CNKSR2: variants seen among roughly 807,000 people sequenced by gnomAD.
CNKSR2 encodes the protein CNK homolog protein 2.
A neutral mutation model predicts 84.4 loss-of-function variants in CNKSR2; 14 were observed. The observed-to-expected ratio is 0.17, with a 90% CI of 0.11 to 0.26. CNKSR2 has a LOEUF of 0.26. Among genes scored for constraint, CNKSR2 ranks in the 10% least tolerant of loss-of-function variants. The pLI is 1.00. For missense variants in CNKSR2, 485 were observed against 771.2 expected (o/e 0.63, Z 4.40); for synonymous variants, 275 against 277.9 (o/e 0.99, Z 0.10).
chrX:21,387,690 A>G (rs925999033), intron 1 of CNKSR2, among the ~76,000 whole-genome samples: 11 of 110,662 alleles, frequency 9.9e-5, no homozygotes, highest in Non-Finnish European at 1.7e-4. Flanking sequence ...TCCTATGTCA[A>G]TCTTTTTGGA....
rs191296729 is a variant in CNKSR2, at chrX:21,507,524, C to A, written c.810+5936C>A. ...ACAGAAGTTTTTCTTACTAAAAATTCTATTAATAAAGATTTAGGATGATAC... is the reference window on the plus strand; with the variant it reads ...ACAGAAGTTTTTCTTACTAAAAATTATATTAATAAAGATTTAGGATGATAC... On this transcript the variant is annotated intron_variant, in intron 8 of 21. Coordinates refer to ENST00000379510, the MANE Select transcript of CNKSR2 (RefSeq NM_014927.5). Among the ~76,000 whole-genome samples, 14 of 110,752 alleles carry A rather than the reference C, an allele frequency of 1.3e-4. No homozygotes were observed. The East Asian group carries it at 3.7e-3, about 30-fold the overall frequency.
At chrX:21,641,416 T>G in intron 20 of CNKSR2, 1 of 895,260 alleles carries the variant, frequency 1.1e-6, no homozygotes. Context: ...CATATTTTTC[T>G]ACTTTCTCTT....
At position 21,654,170 on chromosome X, in the gene CNKSR2, C is replaced by T. The variant is rs1175743390; in HGVS notation, c.*1649C>T. 1 of 105,502 alleles carries T rather than the reference C, an allele frequency of 9.5e-6. No individual in the cohort carries two copies. The highest frequency in any genetic ancestry group is 3.5e-5 in the African/African-American group (1 of 28,648). 8.7% of individuals were successfully genotyped at this position (105,502 alleles called of 1,213,427 possible). A position where few individuals can be genotyped will look rare whatever the true frequency, so the allele number is the denominator to read the frequency against. On this transcript the variant is annotated 3_prime_UTR_variant, in exon 22 of 22. Coordinates refer to ENST00000379510, the MANE Select transcript of CNKSR2 (RefSeq NM_014927.5). ...TTAATGTTTGTATGGAATTTTGGGTCCAGTGTAATATTTTTATCATTTAAA... is the reference window on the plus strand; with the variant it reads ...TTAATGTTTGTATGGAATTTTGGGTTCAGTGTAATATTTTTATCATTTAAA...
chrX:21,557,737 T>C (rs1015841705), intron 11 of CNKSR2, among the ~76,000 whole-genome samples: 1 of 111,426 alleles, frequency 9.0e-6, no homozygotes, highest in Admixed American at 9.6e-5. Flanking sequence ...ATTATATTCT[T>C]TGCTGTTATT....
At chrX:21,547,820 G>A (rs946420684) in intron 11 of CNKSR2, among the ~76,000 whole-genome samples, 1 of 112,183 alleles carries the variant, frequency 8.9e-6, no homozygotes, top group African/African-American at 3.2e-5. Context: ...ACCTGCTCCT[G>A]AATGACTACT....
At chrX:21,444,188 G>T (rs935100384) in intron 4 of CNKSR2, among the ~76,000 whole-genome samples, 5 of 111,534 alleles carry the variant, frequency 4.5e-5, no homozygotes, top group African/African-American at 1.6e-4. Flanking sequence ...TGTTTAGAAA[G>T]ATTATAAAAT....
chrX:21,445,071 T>C (rs1159580740), intron 4 of CNKSR2, among the ~76,000 whole-genome samples: 3 of 111,315 alleles, frequency 2.7e-5, no homozygotes, highest in Admixed American at 9.6e-5. Context: ...CTCACAGACA[T>C]TTAAAACACA....
chrX:21,519,231 C>G (rs1315794205), intron 9 of CNKSR2, among the ~76,000 whole-genome samples: 1 of 110,899 alleles, frequency 9.0e-6, no homozygotes, highest in Admixed American at 9.6e-5. Flanking sequence ...GCAAAGACAC[C>G]TGAAAGCATA....
intron 2 of CNKSR2, 121 bp from the exon 3 acceptor site, chrX:21,432,491 C>G (rs1196449082): frequency 2.0e-6 from 1 of 510,937 alleles, no homozygotes; most frequent in African/African-American, 2.4e-5. Flanking sequence ...GGAATCCTAT[C>G]TTATTCATTT....
chrX:21,616,810 G>A (rs1294988485), intron 20 of CNKSR2, among the ~76,000 whole-genome samples: 1 of 111,880 alleles, frequency 8.9e-6, no homozygotes, highest in Admixed American at 9.5e-5. Context: ...TCAAATCACT[G>A]CCAGTGCTTG....
At chrX:21,543,547 A>C (rs2091994957) in intron 11 of CNKSR2, among the ~76,000 whole-genome samples, 1 of 112,275 alleles carries the variant, frequency 8.9e-6, no homozygotes, top group South Asian at 3.7e-4. Flanking sequence ...TAAAACTTGG[A>C]GAAATCGTCT....
At chrX:21,645,521 A>G (rs1237462864) in intron 20 of CNKSR2, 1 of 112,098 alleles carries the variant, frequency 8.9e-6, no homozygotes, top group African/African-American at 3.2e-5. Flanking sequence ...GTTCCTATAT[A>G]TGTCCTGTGA....
chrX:21,492,568 C>T (rs1408089806), intron 6 of CNKSR2: 11 of 108,546 alleles, frequency 1.0e-4, no homozygotes, highest in Non-Finnish European at 1.5e-4. Flanking sequence ...TACTATTCCA[C>T]ATTCAAATTT....
chrX:21,392,346 C>T (rs928193549), intron 1 of CNKSR2, among the ~76,000 whole-genome samples: 1 of 111,810 alleles, frequency 8.9e-6, no homozygotes, highest in Admixed American at 9.5e-5. Flanking sequence ...CTACCTGAGA[C>T]TGGGTAATAT....
At chrX:21,456,462 T>A (rs776528621) in intron 4 of CNKSR2, among the ~76,000 whole-genome samples, 1 of 111,957 alleles carries the variant, frequency 8.9e-6, no homozygotes, top group East Asian at 2.8e-4. Context: ...GATCACACAG[T>A]ATTTGTCTTT....
At chrX:21,614,970 A>G (rs2092569784) in intron 20 of CNKSR2, among the ~76,000 whole-genome samples, 1 of 112,096 alleles carries the variant, frequency 8.9e-6, no homozygotes, top group Non-Finnish European at 1.9e-5. Context: ...TCCTTCCAGC[A>G]GACTTATACC....
At chrX:21,624,310 A>G (rs141422563) in intron 20 of CNKSR2, among the ~76,000 whole-genome samples, 7 of 111,907 alleles carry the variant, frequency 6.3e-5, no homozygotes, top group Admixed American at 1.9e-4. Context: ...AATAACAGCA[A>G]TCATAAACTG....
intron 5 of CNKSR2, among the ~76,000 whole-genome samples, chrX:21,485,366 A>G (rs1194177935): frequency 2.7e-5 from 3 of 110,461 alleles, no homozygotes; most frequent in African/African-American, 9.9e-5. Flanking sequence ...ATGTTGCTTT[A>G]TTTTGTGCTA....
chrX:21,405,072 A>T (rs1056964227), intron 1 of CNKSR2, among the ~76,000 whole-genome samples: 5 of 111,355 alleles, frequency 4.5e-5, no homozygotes, highest in African/African-American at 1.6e-4. Flanking sequence ...AATGTTTGCT[A>T]TCTGAATGGC....
Sources: allele counts gnomAD v4.1 joint callset (sites outside exome capture counted in the v4.1 genomes callset), GRCh38; gene constraint gnomAD v4.1.1; transcripts MANE v1.5; gene names NCBI Gene and HGNC (gene_info 2026-07-23, HGNC 2026-07-21).